Variants in GRHL3 observed in about 807,000 individuals in gnomAD.
GRHL3 encodes the protein grainyhead like transcription factor 3.
Under a neutral mutation model 70.3 loss-of-function variants are expected in GRHL3, and 20 were observed. That is an observed-to-expected ratio of 0.28 (90% CI 0.20 to 0.41). The LOEUF (loss-of-function observed/expected upper bound fraction) is 0.41, where lower values mean the gene tolerates loss of function less well. Ranked by LOEUF, GRHL3 falls within the 10% of genes least tolerant of loss-of-function variation. The pLI is 1.00. For missense variants in GRHL3, 637 were observed against 762.3 expected (o/e 0.84, Z 1.94); for synonymous variants, 299 against 299.9 (o/e 1.00, Z 0.03).
intron 5 of GRHL3, 100 bp downstream of exon 5, chr1:24,337,251 T>A: frequency 1.3e-6 from 1 of 772,390 alleles, no homozygotes; most frequent in Non-Finnish European, 2.1e-6. Flanking sequence ...CACAATCAAT[T>A]AATGAGAAGT....
At position 24,347,511 on chromosome 1, in the gene GRHL3, G is replaced by A. The variant is rs754817104; in HGVS notation, c.1587G>A (p.Ala529=). The A allele has an allele frequency of 5.6e-6, 9 of 1,614,064 alleles. No homozygotes were observed. The highest frequency in any genetic ancestry group is 2.2e-5 in the East Asian group (1 of 44,894). ...VRRETEEVFD[A]LMLKTPDLKG... ...GGGAGACTGAGGAGGTGTTTGACGCGCTCATGTTGAAGACCCCAGACCTGA... is the reference window on the plus strand; with the variant it reads ...GGGAGACTGAGGAGGTGTTTGACGCACTCATGTTGAAGACCCCAGACCTGA... Residue 529 remains alanine (A), a synonymous_variant, in exon 14 of 16, where the codon GCG becomes GCA. Transcript: ENST00000361548.
At position 24,322,907 on chromosome 1, in the gene GRHL3, C is replaced by A. The variant is rs952071323; in HGVS notation, c.17+3339C>A. The A allele has an allele frequency of 1.0e-4, 60 of 594,040 alleles. 1 individual carries two copies. In the South Asian group the frequency reaches 1.2e-3, roughly 12 times the overall value. The allele number at this position is 594,040 out of a possible 1,614,324, so 36.8% of individuals were successfully genotyped here. A position where few individuals can be genotyped will look rare whatever the true frequency, so the allele number is the denominator to read the frequency against. On this transcript the variant is annotated intron_variant, in intron 1 of 15. Coordinates refer to ENST00000361548, the MANE Select transcript of GRHL3 (RefSeq NM_198173.3). This position sits in a 1 kb window ranked among gnomAD's most constrained non-coding sequence, Gnocchi z 4.4. Reference sequence around the variant, plus strand: ...GGATGGGAGTGTAAATGCAGTTTTGCCGAAGAGGGGACCCAGACCTGGTTC... The same window carrying A: ...GGATGGGAGTGTAAATGCAGTTTTGACGAAGAGGGGACCCAGACCTGGTTC...
At chr1:24,338,852 C>A (rs1639927293) in intron 7 of GRHL3, among the ~76,000 whole-genome samples, 1 of 152,306 alleles carries the variant, frequency 6.6e-6, no homozygotes, top group Middle Eastern at 3.4e-3. Context: ...AGCCAAGTAA[C>A]CAAACCTCTC....
downstream of GRHL3, among the ~76,000 whole-genome samples, chr1:24,356,657 G>A (rs115369655): frequency 2.7e-3 from 416 of 152,330 alleles, 2 homozygotes; most frequent in African/African-American, 9.3e-3. Context: ...TGCAGGTCAT[G>A]ATCTCTGTTG....
rs767713621 is a variant in GRHL3, at chr1:24,337,117, C to A, written c.652C>A (p.Pro218Thr). ...FPDILKTSPEPPCPEDYPSLK... is the reference protein window; with the variant it reads ...FPDILKTSPETPCPEDYPSLK... ...AGATATCCTGAAAACCTCCCCGGAA[C>A]CCCCATGTCCAGAGGACTACCCCAG... Residue 218 changes from proline (P) to threonine (T), a missense_variant, in exon 5 of 16, where the codon CCC (proline) becomes ACC (threonine). Physicochemically the swap from Pro to Thr is conservative, Grantham distance 38. Transcript: ENST00000361548. 2.5e-6 allele frequency: 4 copies of A among 1,614,048 alleles called. No homozygotes were observed. In the South Asian group the frequency reaches 4.4e-5, roughly 18 times the overall value.
chr1:24,342,893 C>T lies in GRHL3; in HGVS notation c.1287C>T (p.Gly429=), dbSNP rs202191841. 211 of 1,614,176 alleles carry T rather than the reference C, an allele frequency of 1.3e-4. No individual in the cohort carries two copies. The highest frequency in any genetic ancestry group is 1.5e-4 in the Non-Finnish European group (178 of 1,180,032). ...KVKCPDSSNS[G]VKGCLLSGFR... Reference sequence around the variant, plus strand: ...ACATTGGCTTCCTTCTCCCATCAGGCGTCAAGGGCTGCCTGCTGTCGGGCT... The same window carrying T: ...ACATTGGCTTCCTTCTCCCATCAGGTGTCAAGGGCTGCCTGCTGTCGGGCT... Residue 429 remains glycine, a splice_region_variant and synonymous_variant, in exon 11 of 16, where the codon GGC becomes GGT. Transcript: ENST00000361548. This position sits in a 1 kb window ranked among gnomAD's most constrained non-coding sequence, Gnocchi z 4.8.
downstream of GRHL3, chr1:24,358,767 G>C (rs897301259): frequency 9.7e-6 from 6 of 618,276 alleles, no homozygotes; most frequent in African/African-American, 9.2e-5. Flanking sequence ...GGAAGGAACT[G>C]GCCCGAGGTT....
At chr1:24,339,988 G>A (rs953823506) in intron 8 of GRHL3, among the ~76,000 whole-genome samples, 1 of 152,208 alleles carries the variant, frequency 6.6e-6, no homozygotes, top group African/African-American at 2.4e-5. Flanking sequence ...TTGGACCAGT[G>A]CCTTAGTCCC....
chr1:24,342,406 C>A lies in GRHL3; in HGVS notation c.1206+133C>A. ...TTCTATCCCTTCTCCTCCTTCCCCT[C>A]TCCTCCTCCACCCCCACTCCTCCAT... On this transcript the variant is annotated intron_variant, in intron 9 of 15. Transcript: ENST00000361548. The surrounding 1 kb of genome is among the most constrained non-coding windows in gnomAD (Gnocchi z 4.8). 1 of 734,652 alleles carries A rather than the reference C, an allele frequency of 1.4e-6. No homozygotes were observed. The highest frequency in any genetic ancestry group is 2.2e-6 in the Non-Finnish European group (1 of 448,198). 45.5% of individuals were successfully genotyped at this position (734,652 alleles called of 1,614,324 possible).
At chr1:24,346,913 G>A (rs1024201947) in intron 13 of GRHL3, among the ~76,000 whole-genome samples, 2 of 152,308 alleles carry the variant, frequency 1.3e-5, no homozygotes, top group Admixed American at 6.5e-5. Flanking sequence ...TATGCTGGGC[G>A]AGTCCCCCCT....
At position 24,322,812 on chromosome 1, in the gene GRHL3, G is replaced by A. The variant is rs148203106; in HGVS notation, c.17+3244G>A. ...CCAACATTTATGGAGCGCTGACTCCGCATCTGACATTGTGTCGAGTGCTTG... is the reference window on the plus strand; with the variant it reads ...CCAACATTTATGGAGCGCTGACTCCACATCTGACATTGTGTCGAGTGCTTG... On this transcript the variant is annotated intron_variant, in intron 1 of 15. Transcript: ENST00000361548. The surrounding 1 kb of genome is among the most constrained non-coding windows in gnomAD (Gnocchi z 4.4). Among the ~76,000 whole-genome samples the A allele has an allele frequency of 1.3e-5, 2 of 152,344 alleles. No homozygotes were observed. The highest frequency in any genetic ancestry group is 4.8e-5 in the African/African-American group (2 of 41,574).
intron 15 of GRHL3, among the ~76,000 whole-genome samples, chr1:24,354,040 G>A (rs1213361894): frequency 6.6e-6 from 1 of 151,766 alleles, no homozygotes; most frequent in Non-Finnish European, 1.5e-5. Context: ...GGTGACTAAG[G>A]GAGCACTGCG....
chr1:24,359,225 C>T (rs955945736), downstream of GRHL3, among the ~76,000 whole-genome samples: 8 of 152,234 alleles, frequency 5.3e-5, no homozygotes, highest in African/African-American at 1.7e-4. The surrounding 1 kb of genome is among the most constrained non-coding windows in gnomAD (Gnocchi z 5.3). Context: ...GGAAACCCCT[C>T]GCAGAAGCCC....
intron 11 of GRHL3, 152 bp from the exon 12 acceptor site, chr1:24,344,745 C>T: frequency 1.2e-6 from 1 of 808,676 alleles, no homozygotes; most frequent in South Asian, 1.5e-5. Context: ...CACTTAAGGG[C>T]ACTTGTCTGA....
rs752130474 is a variant in GRHL3 at position 24,334,724 on chromosome 1, C to T, written c.266+18C>T. 129 of 1,602,398 alleles carry T rather than the reference C, an allele frequency of 8.1e-5. No individual in the cohort carries two copies. The highest frequency in any genetic ancestry group is 1.7e-4 in the Middle Eastern group (1 of 6,040). On this transcript the variant is annotated intron_variant, in intron 3 of 15. Transcript: ENST00000361548. This position sits in a 1 kb window ranked among gnomAD's most constrained non-coding sequence, Gnocchi z 4.3. ...GGAAAGAGGTGAGGCTTGCCAACAC[C>T]CTCTGCCTCTTTGCCCTTCCCCACC...
chr1:24,346,419 C>T (rs184799667), intron 12 of GRHL3, 134 bp from the exon 13 acceptor site: 6 of 616,038 alleles, frequency 9.7e-6, no homozygotes, highest in African/African-American at 9.1e-5. Flanking sequence ...TGCTTTACCC[C>T]CACTGTCCCT....
In GRHL3 at chr1:24,339,687, C is replaced by G. The variant is rs1303183180; in HGVS notation, c.972C>G (p.Phe324Leu). The G allele has an allele frequency of 4.3e-6, 7 of 1,612,302 alleles. No homozygotes were observed. The highest frequency in any genetic ancestry group is 5.9e-6 in the Non-Finnish European group (7 of 1,178,876). Residue 324 changes from phenylalanine (F) to leucine (L), a missense_variant, in exon 8 of 16, where the codon TTC (phenylalanine) becomes TTG (leucine). Phe to Leu is a conservative substitution (Grantham distance 22). Transcript: ENST00000361548. ...TTTCAGCTGACTGCAAAGAAAACTT[C>G]AACACTGTGGAGCACATTGAGGAGG... ...VIDVADCKEN[F>L]NTVEHIEEVA...
At position 24,339,771 on chromosome 1, in the gene GRHL3, T is replaced by G. The variant is rs201436767; in HGVS notation, c.1047+9T>G. Reference sequence around the variant, plus strand: ...TGAATGAAGAGGCCAAGGTCAGTGCTGAGGGCAGTGGCTGGGATGGGACTG... The same window carrying G: ...TGAATGAAGAGGCCAAGGTCAGTGCGGAGGGCAGTGGCTGGGATGGGACTG... On this transcript the variant is annotated intron_variant, in intron 8 of 15. Transcript: ENST00000361548. 3.6e-4 allele frequency: 569 copies of G among 1,589,834 alleles called. 2 individuals are homozygous for G. The highest frequency in any genetic ancestry group is 8.2e-5 in the Non-Finnish European group (95 of 1,160,938).
downstream of GRHL3, chr1:24,358,596 C>T: frequency 1.2e-6 from 2 of 1,614,048 alleles, no homozygotes; most frequent in African/African-American, 2.7e-5. Flanking sequence ...GACTGCTTTC[C>T]TGGAAGCTCT....
Sources: allele counts gnomAD v4.1 joint callset (sites outside exome capture counted in the v4.1 genomes callset), GRCh38; gene constraint gnomAD v4.1.1; non-coding constraint Gnocchi (gnomAD v3.1); transcripts MANE v1.5; gene names NCBI Gene and HGNC (gene_info 2026-07-23, HGNC 2026-07-21).